GNB4: variants seen among roughly 807,000 people sequenced by gnomAD.
GNB4 encodes G protein subunit beta 4.
Under a neutral mutation model 45.2 loss-of-function variants are expected in GNB4, and 28 were observed. The ratio of observed to expected loss-of-function variants is 0.62; its 90% CI spans 0.46 to 0.85. The LOEUF (loss-of-function observed/expected upper bound fraction) is 0.85. Among genes scored for constraint, GNB4 ranks in the 40% least tolerant of loss-of-function variants. The probability of loss-of-function intolerance (pLI) is 0.00; values close to 1 mark genes in which losing one functional copy is unlikely to be tolerated. For missense variants in GNB4, 321 were observed against 425.4 expected (o/e 0.75, Z 2.16); for synonymous variants, 132 against 143.7 (o/e 0.92, Z 0.58).
chr3:179,461,554 G>A, the GNB4 span, among the ~76,000 whole-genome samples: 1 of 152,106 alleles, frequency 6.6e-6, no homozygotes, highest in Non-Finnish European at 1.5e-5. Flanking sequence ...TCCTAGGTTG[G>A]AGAGATGGTG....
chr3:179,434,175 A>C lies in GNB4; in HGVS notation c.-42-7933T>G, dbSNP rs113806980. Among the ~76,000 whole-genome samples the C allele has an allele frequency of 6.3e-3, 956 of 152,340 alleles. 12 individuals are homozygous for C. Among genetic ancestry groups the C allele is most frequent in the African/African-American group, 0.022 (908 of 41,566 alleles). ...GTGCACAGGATTGAACAGTGTTCAT[A>C]CAGCACTACTTATAATAACAATAAA... On this transcript the variant is annotated intron_variant, in intron 1 of 9. Coordinates refer to ENST00000232564, the MANE Select transcript of GNB4 (RefSeq NM_021629.4).
intron 8 of GNB4, among the ~76,000 whole-genome samples, chr3:179,408,965 G>T (rs1714560516): frequency 6.7e-6 from 1 of 148,494 alleles, no homozygotes; most frequent in African/African-American, 2.5e-5. Context: ...GGGCAACATG[G>T]CAAGACCCTA....
At chr3:179,423,219 G>A (rs1375247173) in intron 2 of GNB4, among the ~76,000 whole-genome samples, 1 of 152,204 alleles carries the variant, frequency 6.6e-6, no homozygotes, top group East Asian at 1.9e-4. Flanking sequence ...CATTGTGCTT[G>A]GGATGCTAGT....
chr3:179,496,150 C>T, the GNB4 span, among the ~76,000 whole-genome samples: 11 of 151,608 alleles, frequency 7.3e-5, no homozygotes, highest in East Asian at 3.9e-4. Flanking sequence ...TTAACAGATT[C>T]GCAATATGAA....
intron 1 of GNB4, among the ~76,000 whole-genome samples, chr3:179,434,332 G>A (rs533821397): frequency 6.6e-6 from 1 of 151,544 alleles, no homozygotes; most frequent in African/African-American, 2.4e-5. Context: ...ATATTGGGAG[G>A]AAAAAAAAGC....
At chr3:179,496,953 C>T in the GNB4 span, among the ~76,000 whole-genome samples, 1 of 152,000 alleles carries the variant, frequency 6.6e-6, no homozygotes, top group Non-Finnish European at 1.5e-5. Flanking sequence ...ATAAGGAAAC[C>T]TTAGACTTGT....
rs1714203902 is a variant in GNB4, at chr3:179,398,987, T to C, written c.*2226A>G. On this transcript the variant is annotated 3_prime_UTR_variant, in exon 10 of 10. Coordinates refer to ENST00000232564, the MANE Select transcript of GNB4 (RefSeq NM_021629.4). ...GTCTGTATGCCTGTGACTACTATAA[T>C]AACTTTTAAGTAGAGGAGATACTCT... 1.3e-5 allele frequency: 2 copies of C among 152,324 alleles called. No homozygotes were observed. Among genetic ancestry groups the C allele is most frequent in the Non-Finnish European group, 1.5e-5 (1 of 68,020 alleles). 9.4% of individuals were successfully genotyped at this position (152,324 alleles called of 1,614,324 possible).
upstream of GNB4, among the ~76,000 whole-genome samples, chr3:179,453,912 T>C (rs1350316814): frequency 2.0e-5 from 3 of 151,830 alleles, no homozygotes; most frequent in Admixed American, 6.6e-5. Context: ...AAAGTGGAGC[T>C]GATTAAAAGA....
intron 1 of GNB4, among the ~76,000 whole-genome samples, chr3:179,427,969 A>C (rs1715194427): frequency 6.6e-6 from 1 of 152,198 alleles, no homozygotes. Flanking sequence ...TCAAGATTGT[A>C]GCCCGAAATG....
chr3:179,409,404 C>G (rs141094952), intron 8 of GNB4, among the ~76,000 whole-genome samples: 1 of 151,390 alleles, frequency 6.6e-6, no homozygotes, highest in Non-Finnish European at 1.5e-5. Flanking sequence ...CCCAGGTACT[C>G]GGGAGGCTGA....
chr3:179,421,146 C>A (rs1332031531), intron 2 of GNB4, among the ~76,000 whole-genome samples: 1 of 152,100 alleles, frequency 6.6e-6, no homozygotes, highest in East Asian at 1.9e-4. Context: ...TGTTGTGTGA[C>A]CATCACCACT....
chr3:179,422,966 T>G (rs375064083), intron 2 of GNB4, among the ~76,000 whole-genome samples: 3 of 152,106 alleles, frequency 2.0e-5, no homozygotes, highest in African/African-American at 4.8e-5. Context: ...CTTTTTTTTG[T>G]ATTTTTAGTA....
chr3:179,402,848 C>G (rs115840932), intron 9 of GNB4, among the ~76,000 whole-genome samples: 33 of 152,194 alleles, frequency 2.2e-4, no homozygotes, highest in Non-Finnish European at 4.7e-4. Flanking sequence ...CAGGTGTCCC[C>G]TTCCTCCACT....
At chr3:179,497,293 GA>G in the GNB4 span, among the ~76,000 whole-genome samples, 2 of 151,978 alleles carry the variant, frequency 1.3e-5, no homozygotes, top group Non-Finnish European at 2.9e-5. Flanking sequence ...GGAAAAACTA[GA>G]TATCTACATG....
the GNB4 span, among the ~76,000 whole-genome samples, chr3:179,508,932 G>GTATATATATATACATA: frequency 9.8e-6 from 1 of 102,178 alleles, no homozygotes; most frequent in Admixed American, 1.1e-4. Context: ...TTCAGCATGT[G>GTATATATATATACATA]TATATATATA....
chr3:179,498,095 T>C, the GNB4 span, among the ~76,000 whole-genome samples: 3 of 152,218 alleles, frequency 2.0e-5, no homozygotes, highest in Admixed American at 2.0e-4. Context: ...TACTGACCCA[T>C]GTTCGTTGCA....
At chr3:179,426,929 T>C (rs1218413255) in intron 1 of GNB4, among the ~76,000 whole-genome samples, 1 of 152,020 alleles carries the variant, frequency 6.6e-6, no homozygotes, top group African/African-American at 2.4e-5. Flanking sequence ...CTCCAATGGT[T>C]TTCCACTCCA....
At chr3:179,497,630 A>G in the GNB4 span, among the ~76,000 whole-genome samples, 3,649 of 152,242 alleles carry the variant, frequency 0.024, 126 homozygotes, top group African/African-American at 0.078. Flanking sequence ...TTCAAAATAT[A>G]TAAGGAACTC....
chr3:179,507,049 C>T, the GNB4 span, among the ~76,000 whole-genome samples: 1 of 152,186 alleles, frequency 6.6e-6, no homozygotes, highest in Non-Finnish European at 1.5e-5. Flanking sequence ...ACCCACCCAG[C>T]GGACCAAACT....
Sources: gnomAD v4.1 joint callset for allele counts (sites outside exome capture counted in the v4.1 genomes callset) on GRCh38, gnomAD v4.1.1 for gene constraint, MANE v1.5 for transcripts, NCBI Gene and HGNC (gene_info 2026-07-23, HGNC 2026-07-21) for gene names.